ZFHX3: variants seen among roughly 807,000 people sequenced by gnomAD.
The protein encoded by ZFHX3 is zinc finger homeobox protein 3.
A neutral mutation model predicts 279.1 loss-of-function variants in ZFHX3; 42 were observed. The observed-to-expected ratio is 0.15, with a 90% CI of 0.12 to 0.19. The LOEUF (loss-of-function observed/expected upper bound fraction) is 0.19. Ranked by LOEUF, ZFHX3 falls within the 10% of genes least tolerant of loss-of-function variation. The pLI, the probability that ZFHX3 is intolerant of heterozygous loss-of-function variation, is 1.00. For missense variants in ZFHX3, 4,981 were observed against 4,754.0 expected, an observed-to-expected ratio of 1.05 and a Z score of -1.40; for synonymous variants, 2,293 against 1,957.8, an observed-to-expected ratio of 1.17 and a Z score of -4.52.
intron 4 of ZFHX3, among the ~76,000 whole-genome samples, chr16:73,276,557 G>T (rs1258678837): frequency 6.6e-6 from 1 of 152,074 alleles, no homozygotes; most frequent in Non-Finnish European, 1.5e-5. Context: ...ACAATAAAAT[G>T]TAAAAAAATT....
chr16:73,588,403 G>A (rs1360141985), intron 2 of ZFHX3, among the ~76,000 whole-genome samples: 1 of 152,092 alleles, frequency 6.6e-6, no homozygotes, highest in African/African-American at 2.4e-5. Context: ...CAAGAGAGAG[G>A]AGGCCGGTCG....
chr16:72,910,846 T>C (rs2039299030), intron 3 of ZFHX3, among the ~76,000 whole-genome samples: 1 of 152,198 alleles, frequency 6.6e-6, no homozygotes, highest in Admixed American at 6.5e-5. Flanking sequence ...CATTCCCTCA[T>C]GTCAGCAATT....
intron 4 of ZFHX3, among the ~76,000 whole-genome samples, chr16:73,315,057 G>A (rs537937019): frequency 1.3e-5 from 2 of 152,150 alleles, no homozygotes; most frequent in South Asian, 4.2e-4. Context: ...GTGAAACCCT[G>A]TCTCTACTAA....
intron 1 of ZFHX3, among the ~76,000 whole-genome samples, chr16:73,727,786 G>A (rs554082845): frequency 3.9e-5 from 6 of 152,160 alleles, no homozygotes; most frequent in African/African-American, 1.2e-4. Context: ...TGATGTGAAC[G>A]ACTATCAGGA....
intron 1 of ZFHX3, among the ~76,000 whole-genome samples, chr16:72,965,552 A>G (rs1259558463): frequency 1.3e-5 from 2 of 152,234 alleles, no homozygotes; most frequent in African/African-American, 4.8e-5. Context: ...GCATTTACTG[A>G]GCATGTACTA....
chr16:73,126,297 A>T (rs547881422), intron 7 of ZFHX3, among the ~76,000 whole-genome samples: 20 of 152,310 alleles, frequency 1.3e-4, no homozygotes, highest in Admixed American at 5.2e-4. Context: ...AAGCCAGGCA[A>T]TCAGCGAGAG....
intron 1 of ZFHX3, among the ~76,000 whole-genome samples, chr16:73,819,709 G>C (rs2142347128): frequency 6.6e-6 from 1 of 152,264 alleles, no homozygotes; most frequent in East Asian, 1.9e-4. Flanking sequence ...TAGGATGGGG[G>C]AAAGCAGTTC....
chr16:72,835,453 A>G (rs191837023), intron 4 of ZFHX3, among the ~76,000 whole-genome samples: 2 of 152,352 alleles, frequency 1.3e-5, no homozygotes, highest in Non-Finnish European at 2.9e-5. Context: ...TTAAAAGCTC[A>G]TCTTTCCTGG....
At chr16:73,890,565 TA>T (rs2030501719) in intron 1 of ZFHX3, among the ~76,000 whole-genome samples, 1 of 152,228 alleles carries the variant, frequency 6.6e-6, no homozygotes, top group African/African-American at 2.4e-5. Context: ...TTTGTCATAA[TA>T]AAAATATTTT....
At chr16:73,434,413 T>C (rs112711618) in intron 3 of ZFHX3, among the ~76,000 whole-genome samples, 182 of 152,320 alleles carry the variant, frequency 1.2e-3, no homozygotes, top group African/African-American at 4.2e-3. Context: ...ACTAAGGTCC[T>C]ATGGAAACAG....
chr16:73,575,637 CAG>C (rs1338407744), intron 2 of ZFHX3, among the ~76,000 whole-genome samples: 2 of 152,116 alleles, frequency 1.3e-5, no homozygotes, highest in Non-Finnish European at 2.9e-5. Flanking sequence ...GAAGGATTTT[CAG>C]GGGGAGAAAA....
chr16:72,828,189 C>T (rs541228513), intron 5 of ZFHX3, among the ~76,000 whole-genome samples: 3 of 152,246 alleles, frequency 2.0e-5, no homozygotes, highest in African/African-American at 7.2e-5. Flanking sequence ...CCAACGAATA[C>T]GGACTCCAGA....
intron 1 of ZFHX3, among the ~76,000 whole-genome samples, chr16:73,057,517 A>G (rs111779422): frequency 2.6e-4 from 39 of 149,654 alleles, no homozygotes; most frequent in African/African-American, 9.3e-4. Flanking sequence ...AACGTAAACA[A>G]TCCCAGATTC....
At chr16:73,411,756 G>A (rs2017471027) in intron 3 of ZFHX3, among the ~76,000 whole-genome samples, 1 of 152,184 alleles carries the variant, frequency 6.6e-6, no homozygotes. Context: ...CTTAGTGCAA[G>A]CTGGTCCTTT....
chr16:73,199,004 C>T (rs763288606), intron 5 of ZFHX3, among the ~76,000 whole-genome samples: 8 of 152,204 alleles, frequency 5.3e-5, no homozygotes, highest in Admixed American at 6.5e-5. Flanking sequence ...CGGGGACTCT[C>T]GACTTTGTGA....
At chr16:73,240,182 C>T (rs34526788) in intron 5 of ZFHX3, among the ~76,000 whole-genome samples, 12,030 of 152,002 alleles carry the variant, frequency 0.079, 619 homozygotes, top group Admixed American at 0.12. Flanking sequence ...TGCTTAGGAC[C>T]ACCAGACGGT....
chr16:72,891,614 G>C (rs2038775569), intron 3 of ZFHX3, among the ~76,000 whole-genome samples: 1 of 152,180 alleles, frequency 6.6e-6, no homozygotes, highest in South Asian at 2.1e-4. Flanking sequence ...AAGCTTAAAT[G>C]ACTGACCCAA....
At chr16:73,397,339 AT>A (rs2143417203) in intron 3 of ZFHX3, among the ~76,000 whole-genome samples, 1 of 152,328 alleles carries the variant, frequency 6.6e-6, no homozygotes, top group Non-Finnish European at 1.5e-5. Flanking sequence ...GAAGAGTGGC[AT>A]GACTGGAAGG....
chr16:72,934,703 T>C (rs1435237975), intron 3 of ZFHX3, among the ~76,000 whole-genome samples: 2 of 152,218 alleles, frequency 1.3e-5, no homozygotes, highest in East Asian at 1.9e-4. Flanking sequence ...TGACGGCTCT[T>C]ACTGAATGAT....
Sources: allele counts gnomAD v4.1 joint callset (sites outside exome capture counted in the v4.1 genomes callset), GRCh38; gene constraint gnomAD v4.1.1; transcripts MANE v1.5; gene names NCBI Gene and HGNC (gene_info 2026-07-23, HGNC 2026-07-21).